Variants in DUSP4 observed in about 807,000 individuals in gnomAD.
DUSP4 encodes dual specificity phosphatase 4.
Under a neutral mutation model 27.2 loss-of-function variants are expected in DUSP4, and 12 were observed. The ratio of observed to expected loss-of-function variants is 0.44; its 90% CI spans 0.28 to 0.71. The LOEUF (loss-of-function observed/expected upper bound fraction) is 0.71, where lower values mean the gene tolerates loss of function less well. Among genes scored for constraint, DUSP4 ranks in the 30% least tolerant of loss-of-function variants. The pLI is 0.14. For missense variants in DUSP4, 448 were observed against 551.3 expected (o/e 0.81, Z 1.88); for synonymous variants, 257 against 245.2 (o/e 1.05, Z -0.45).
intron 1 of DUSP4, chr8:29,348,806 C>T (rs1178852788): frequency 1.9e-5 from 19 of 984,932 alleles, no homozygotes; most frequent in Non-Finnish European, 2.2e-5. Flanking sequence ...TCTGAACTGC[C>T]TACCGGGCTC....
intron 3 of DUSP4, 93 bp downstream of exon 3, chr8:29,338,189 C>G (rs1209610626): frequency 1.5e-6 from 2 of 1,311,678 alleles, no homozygotes; most frequent in Non-Finnish European, 2.2e-6. Context: ...GATTCAGTGC[C>G]TCCAATGTCC....
At position 29,337,813 on chromosome 8, in the gene DUSP4, CGTG is replaced by C. The variant is rs1348842266; in HGVS notation, c.800-405_800-403del. Among the ~76,000 whole-genome samples the C allele has an allele frequency of 1.3e-5, 2 of 151,968 alleles. No homozygotes were observed. Among genetic ancestry groups the C allele is most frequent in the African/African-American group, 4.8e-5 (2 of 41,346 alleles). ...TACAAAAATACAAAAATTAGCTGGG[CGTG>C]GTGGTGCACTTGTAGTCCCAGCTAC... On this transcript the variant is annotated intron_variant, in intron 3 of 3. Transcript: ENST00000240100. This position sits in a 1 kb window ranked among gnomAD's most constrained non-coding sequence, Gnocchi z 6.4.
At position 29,350,190 on chromosome 8, in the gene DUSP4, C is replaced by A. The variant is rs1172899532; in HGVS notation, c.89G>T (p.Gly30Val). Reference sequence around the variant, plus strand: ...CCCCAGGGTGCCGTGGCTGCCGCTGCCGCCCGCGCCGCCGCCATTCTCGTC... The same window carrying A: ...CCCCAGGGTGCCGTGGCTGCCGCTGACGCCCGCGCCGCCGCCATTCTCGTC... ...NRDENGGGAG[G>V]SGSHGTLGLP... Residue 30 changes from glycine (G) to valine (V), a missense_variant, in exon 1 of 4, where the codon GGC (glycine) becomes GTC (valine). Around this residue, in one of 3 missense-constraint regions of DUSP4, gnomAD observed 345 missense variants for 394.0 expected, o/e 0.88. Transcript: ENST00000240100. 2 of 1,607,358 alleles carry A rather than the reference C, an allele frequency of 1.2e-6. No individual in the cohort carries two copies. Among genetic ancestry groups the A allele is most frequent in the African/African-American group, 1.3e-5 (1 of 74,922 alleles).
chr8:29,339,661 C>T (rs919140519), intron 2 of DUSP4, among the ~76,000 whole-genome samples: 7 of 152,104 alleles, frequency 4.6e-5, no homozygotes, highest in East Asian at 1.9e-4. Context: ...CCCAATACTC[C>T]GGGTTCACCG....
chr8:29,350,401 G>A lies in DUSP4; in HGVS notation c.-123C>T, dbSNP rs1817806433. 1 of 1,163,478 alleles carries A rather than the reference G, an allele frequency of 8.6e-7. No homozygotes were observed. The highest frequency in any genetic ancestry group is 1.2e-6 in the Non-Finnish European group (1 of 855,080). 72.1% of individuals were successfully genotyped at this position (1,163,478 alleles called of 1,614,324 possible). On this transcript the variant is annotated 5_prime_UTR_variant, in exon 1 of 4. Transcript: ENST00000240100. ...GCCTGCAGAAGTGGCCGCAAACTTG[G>A]TCCTCAAGGGCTCCCGCGGGAGAGC...
In DUSP4 at chr8:29,349,917, T is replaced by C; in HGVS notation, c.362A>G (p.Asp121Gly). The C allele has an allele frequency of 6.3e-7, 1 of 1,590,854 alleles. No homozygotes were observed. The change falls in exon 1 of 4, where the codon GAC becomes GGC. Residue 121 changes from aspartate (D) to glycine (G), a missense_variant. Asp to Gly is a moderately conservative substitution (Grantham distance 94, BLOSUM62 -1). Around this residue, in one of 3 missense-constraint regions of DUSP4, gnomAD observed 345 missense variants for 394.0 expected, o/e 0.88. Transcript: ENST00000240100. ...CTGCACCACCAGCGACACGGTGCTG[T>C]CCTCGCGGAGGCTCTCGGCGCGCGG... ...RSPRAESLRE[D>G]STVSLVVQAL... is the part of the protein sequence containing the mutation.
intron 2 of DUSP4, 97 bp downstream of exon 2, chr8:29,339,999 CAA>C: frequency 6.9e-7 from 1 of 1,444,154 alleles, no homozygotes; most frequent in Non-Finnish European, 9.2e-7. Flanking sequence ...GTCTCAAAAG[CAA>C]AGACAAAAAA....
chr8:29,348,315 G>A lies in DUSP4; in HGVS notation c.433+1531C>T, dbSNP rs1817765084. The A allele has an allele frequency of 5.1e-6, 5 of 985,594 alleles. No individual in the cohort carries two copies. In the South Asian group the frequency reaches 2.3e-4, roughly 46 times the overall value. The allele number at this position is 985,594 out of a possible 1,614,324, so 61.1% of individuals were successfully genotyped here. On this transcript the variant is annotated intron_variant, in intron 1 of 3. Transcript: ENST00000240100. ...ACCAGCGCCGACAAGCTCAAACAAT[G>A]GCGCGGACGCCCACCCTGGTGGCCT... is the stretch of plus-strand genomic sequence containing the variant.
chr8:29,349,774 C>A (rs1251403716), intron 1 of DUSP4, 72 bp downstream of exon 1: 2 of 1,415,264 alleles, frequency 1.4e-6, no homozygotes, highest in Admixed American at 3.0e-5. Flanking sequence ...CCTTCCCGTG[C>A]CAATAAGGCG....
At position 29,337,233 on chromosome 8, in the gene DUSP4, C is replaced by T. The variant is rs1817591205; in HGVS notation, c.978G>A (p.Gln326=). ...IISPNFSFMG[Q]LLQFESQVLA... ...GCACCTGGGACTCGAACTGCAGCAG[C>T]TGCCCCATGAAGCTGAAGTTGGGCG... Residue 326 remains glutamine, a synonymous_variant, in exon 4 of 4, where the codon CAG becomes CAA. Coordinates refer to ENST00000240100, the MANE Select transcript of DUSP4 (RefSeq NM_001394.7). The surrounding 1 kb of genome is among the most constrained non-coding windows in gnomAD (Gnocchi z 6.4). 2 of 1,613,686 alleles carry T rather than the reference C, an allele frequency of 1.2e-6. No individual in the cohort carries two copies. Among genetic ancestry groups the T allele is most frequent in the Non-Finnish European group, 1.7e-6 (2 of 1,179,986 alleles).
chr8:29,348,281 A>G (rs1287920107), intron 1 of DUSP4: 7 of 985,422 alleles, frequency 7.1e-6, no homozygotes, highest in Non-Finnish European at 8.4e-6. Context: ...AATTGCCCTC[A>G]TCTCTCCCAC....
chr8:29,339,628 A>C (rs1817626419), intron 2 of DUSP4, among the ~76,000 whole-genome samples: 1 of 152,144 alleles, frequency 6.6e-6, no homozygotes, highest in Admixed American at 6.5e-5. Context: ...CAAGAAGTAA[A>C]TAGGTCCTAC....
At chr8:29,348,817 G>A (rs1442518466) in intron 1 of DUSP4, 1 of 984,688 alleles carries the variant, frequency 1.0e-6, no homozygotes, top group Non-Finnish European at 1.2e-6. Context: ...TACCGGGCTC[G>A]GAAGCGCAGA....
chr8:29,341,716 C>T (rs941437032), intron 1 of DUSP4, among the ~76,000 whole-genome samples: 2 of 152,166 alleles, frequency 1.3e-5, no homozygotes, highest in Admixed American at 1.3e-4. Flanking sequence ...AACCCCTTTC[C>T]TTATTCGGCT....
In DUSP4 at chr8:29,336,906, A is replaced by G. The variant is rs565111746; in HGVS notation, c.*120T>C. ...TGGCCTCGTCGTTGGCCAAGGAGAAATGATGGGGAAGGAGCTCGGTCGCCT... is the reference window on the plus strand; with the variant it reads ...TGGCCTCGTCGTTGGCCAAGGAGAAGTGATGGGGAAGGAGCTCGGTCGCCT... On this transcript the variant is annotated 3_prime_UTR_variant, in exon 4 of 4. Coordinates refer to ENST00000240100, the MANE Select transcript of DUSP4 (RefSeq NM_001394.7). The G allele has an allele frequency of 8.1e-4, 1,127 of 1,392,530 alleles. 2 individuals are homozygous for G. Among genetic ancestry groups the G allele is most frequent in the Non-Finnish European group, 9.7e-4 (1,027 of 1,061,426 alleles). 86.3% of individuals were successfully genotyped at this position (1,392,530 alleles called of 1,614,324 possible). A position where few individuals can be genotyped will look rare whatever the true frequency, so the allele number is the denominator to read the frequency against.
intron 1 of DUSP4, among the ~76,000 whole-genome samples, chr8:29,349,334 C>T (rs531338876): frequency 4.6e-5 from 7 of 152,384 alleles, no homozygotes; most frequent in African/African-American, 1.4e-4. Flanking sequence ...AACCCAATCT[C>T]CCTTTCTGCA....
At chr8:29,348,198 G>T (rs1282676332) in intron 1 of DUSP4, 1 of 985,650 alleles carries the variant, frequency 1.0e-6, no homozygotes, top group Non-Finnish European at 1.2e-6. Context: ...CCATCGGGGG[G>T]ACTCGAGGGC....
Position 29,350,332 on chromosome 8 carries a change from C to A in DUSP4, c.-54G>T. On this transcript the variant is annotated 5_prime_UTR_variant, in exon 1 of 4. Transcript: ENST00000240100. ...CGCGAGGAAGAGAAGAGAACCCGGG[C>A]CGCCTAGGCTGCAGAAAGGGGCGGG... 6.6e-7 allele frequency: 1 copy of A among 1,510,048 alleles called. No homozygotes were observed. The highest frequency in any genetic ancestry group is 8.8e-7 in the Non-Finnish European group (1 of 1,134,258). 93.5% of individuals were successfully genotyped at this position (1,510,048 alleles called of 1,614,324 possible).
rs1817599211 is a variant in DUSP4 at position 29,337,675 on chromosome 8, G to A, written c.800-264C>T. Among the ~76,000 whole-genome samples, 1 of 152,220 alleles carries A rather than the reference G, an allele frequency of 6.6e-6. No individual in the cohort carries two copies. The highest frequency in any genetic ancestry group is 1.5e-5 in the Non-Finnish European group (1 of 68,036). On this transcript the variant is annotated intron_variant, in intron 3 of 3. Coordinates refer to ENST00000240100, the MANE Select transcript of DUSP4 (RefSeq NM_001394.7). This position sits in a 1 kb window ranked among gnomAD's most constrained non-coding sequence, Gnocchi z 6.4. ...CCCTTTGCAGAAACAAAACAGTGGGGTCCAGGGTGGTGGCTCACTCCTGTA... is the reference window on the plus strand; with the variant it reads ...CCCTTTGCAGAAACAAAACAGTGGGATCCAGGGTGGTGGCTCACTCCTGTA...
Sources: gnomAD v4.1 joint callset for allele counts (sites outside exome capture counted in the v4.1 genomes callset) on GRCh38, gnomAD v4.1.1 for gene constraint, gnomAD v4.1.1 regional missense constraint, Gnocchi (gnomAD v3.1) non-coding constraint, MANE v1.5 for transcripts, NCBI Gene and HGNC (gene_info 2026-07-23, HGNC 2026-07-21) for gene names.